The following CCDC91 variants were observed in gnomAD, a reference collection of about 807,000 sequenced individuals.
The protein encoded by CCDC91 is coiled-coil domain-containing protein 91.
In CCDC91, 48 loss-of-function variants were observed where a neutral mutation model predicts 63.2. The observed-to-expected ratio is 0.76, with a 90% CI of 0.60 to 0.97. CCDC91 has a LOEUF of 0.97. CCDC91 is among the 50% of genes least tolerant of loss of function. CCDC91 has a pLI of 0.00. For synonymous variants in CCDC91, 167 were observed against 165.8 expected (o/e 1.01, Z -0.06); for missense variants, 500 against 494.6 (o/e 1.01, Z -0.10).
chr12:28,365,591 G>A (rs1749737259), intron 7 of CCDC91, among the ~76,000 whole-genome samples: 1 of 152,034 alleles, frequency 6.6e-6, no homozygotes, highest in Non-Finnish European at 1.5e-5. Flanking sequence ...CATTCTCTTT[G>A]CATTTATTCA....
chr12:28,231,203 C>T (rs1332628496), intron 1 of CCDC91, among the ~76,000 whole-genome samples: 1 of 152,094 alleles, frequency 6.6e-6, no homozygotes, highest in Non-Finnish European at 1.5e-5. Flanking sequence ...AATCCTGTCT[C>T]TGTGGGTTGG....
At chr12:28,540,199 T>C (rs542201419) in intron 12 of CCDC91, among the ~76,000 whole-genome samples, 1 of 152,286 alleles carries the variant, frequency 6.6e-6, no homozygotes, top group African/African-American at 2.4e-5. Context: ...TAGTAAGTAG[T>C]CTGTTGTTTT....
chr12:28,530,851 G>C (rs1941673205), intron 12 of CCDC91, among the ~76,000 whole-genome samples: 1 of 152,074 alleles, frequency 6.6e-6, no homozygotes, highest in African/African-American at 2.4e-5. Flanking sequence ...GCTGTGGTTT[G>C]AATGTGTCCC....
At chr12:28,302,025 A>G (rs1036348876) in intron 3 of CCDC91, among the ~76,000 whole-genome samples, 2 of 151,858 alleles carry the variant, frequency 1.3e-5, no homozygotes, top group Admixed American at 6.6e-5. Context: ...ATCTACTTCA[A>G]TGAATGCAGT....
intron 6 of CCDC91, among the ~76,000 whole-genome samples, chr12:28,309,456 C>A (rs1395787975): frequency 6.6e-6 from 1 of 152,002 alleles, no homozygotes; most frequent in African/African-American, 2.4e-5. Flanking sequence ...TCCAACACTC[C>A]ATGTTGTTAA....
chr12:28,444,700 G>A lies in CCDC91; in HGVS notation c.763-5461G>A, dbSNP rs140242105. 2.9e-4 allele frequency among the ~76,000 whole-genome samples: 44 copies of A among 152,262 alleles called. No homozygotes were observed. In the East Asian group the frequency reaches 8.3e-3, roughly 29 times the overall value. Reference sequence around the variant, plus strand: ...CTTGAGAGTGGAGGGTAGGAGGAGGGAGAGGAGCAATAAAGATAACTCTCG... The same window carrying A: ...CTTGAGAGTGGAGGGTAGGAGGAGGAAGAGGAGCAATAAAGATAACTCTCG... On this transcript the variant is annotated intron_variant, in intron 8 of 12. Transcript: ENST00000536442.
chr12:28,469,148 A>T (rs7135922), intron 11 of CCDC91, among the ~76,000 whole-genome samples: 113,886 of 151,888 alleles, frequency 0.75, 43,287 homozygotes, highest in African/African-American at 0.83. Context: ...GTCAAATTAT[A>T]ATTATTTTTT....
At chr12:28,502,033 C>T (rs976123618) in intron 12 of CCDC91, among the ~76,000 whole-genome samples, 1 of 151,980 alleles carries the variant, frequency 6.6e-6, no homozygotes, top group Non-Finnish European at 1.5e-5. Flanking sequence ...GTTTGTATTT[C>T]TGTGGGATTG....
At chr12:28,200,979 G>A (rs1302562534) in intron 1 of CCDC91, among the ~76,000 whole-genome samples, 1 of 137,930 alleles carries the variant, frequency 7.3e-6, no homozygotes, top group African/African-American at 3.1e-5. Context: ...CCTCCCGGAC[G>A]GGGCGGCTGG....
At position 28,200,256 on chromosome 12, in the gene CCDC91, G is replaced by A. The variant is rs1477687491; in HGVS notation, c.-15+9615G>A. On this transcript the variant is annotated intron_variant, in intron 1 of 12. Coordinates refer to ENST00000536442, the MANE Select transcript of CCDC91 (RefSeq NM_018318.5). ...CTAGTGAATTTTTTTTTTTTTTTGAGTGGTAGCTTTTCTATGTTTCTTTTT... is the reference window on the plus strand; with the variant it reads ...CTAGTGAATTTTTTTTTTTTTTTGAATGGTAGCTTTTCTATGTTTCTTTTT... Among the ~76,000 whole-genome samples, 6 of 148,380 alleles carry A rather than the reference G, an allele frequency of 4.0e-5. No individual in the cohort carries two copies. The East Asian group carries it at 1.2e-3, about 29-fold the overall frequency.
chr12:28,390,900 A>G (rs1412015577), intron 7 of CCDC91, among the ~76,000 whole-genome samples: 2 of 151,434 alleles, frequency 1.3e-5, no homozygotes, highest in African/African-American at 4.8e-5. Flanking sequence ...CAGCCAGTGA[A>G]ATATGTCTGG....
At chr12:28,204,416 G>A (rs1360592673) in intron 1 of CCDC91, among the ~76,000 whole-genome samples, 2 of 152,042 alleles carry the variant, frequency 1.3e-5, no homozygotes, top group African/African-American at 2.4e-5. Context: ...TTAATTTTCT[G>A]ATTAAAAATA....
At chr12:28,406,605 G>A (rs1946962120) in intron 8 of CCDC91, among the ~76,000 whole-genome samples, 1 of 152,060 alleles carries the variant, frequency 6.6e-6, no homozygotes, top group African/African-American at 2.4e-5. Context: ...GTTTCTAAGA[G>A]CAGAAGTTTT....
intron 1 of CCDC91, among the ~76,000 whole-genome samples, chr12:28,227,123 G>A (rs1592042304): frequency 6.6e-6 from 1 of 152,216 alleles, no homozygotes; most frequent in Middle Eastern, 3.4e-3. Context: ...GACTTATTGT[G>A]ACTTATCATT....
chr12:28,311,677 T>A (rs1439051571), intron 6 of CCDC91, among the ~76,000 whole-genome samples: 1 of 152,100 alleles, frequency 6.6e-6, no homozygotes, highest in African/African-American at 2.4e-5. Context: ...TTACTGTTGA[T>A]TAAAAGTTTC....
intron 6 of CCDC91, among the ~76,000 whole-genome samples, chr12:28,326,682 A>G (rs142485275): frequency 4.7e-4 from 72 of 151,742 alleles, no homozygotes; most frequent in African/African-American, 1.7e-3. Context: ...TTTTAAAGCT[A>G]TTTTCTGAGA....
At chr12:28,252,270 T>C (rs1195429224) in intron 1 of CCDC91, among the ~76,000 whole-genome samples, 1 of 152,092 alleles carries the variant, frequency 6.6e-6, no homozygotes, top group Non-Finnish European at 1.5e-5. Context: ...TTTTTTCTCT[T>C]GGACAGTTGA....
In CCDC91 at chr12:28,549,160, T is replaced by C. The variant is rs765661218; in HGVS notation, c.1313T>C (p.Val438Ala). Reference sequence around the variant, plus strand: ...AGTGCTTTAATAGCTACGGAACCAGTTGACATTGAATAAAAAGAACATGAC... The same window carrying C: ...AGTGCTTTAATAGCTACGGAACCAGCTGACATTGAATAAAAAGAACATGAC... ...QLSALIATEP[V>A]DIE The change falls in exon 13 of 13, where the codon GTT becomes GCT. Residue 438 changes from valine (V) to alanine (A), a missense_variant. Coordinates refer to ENST00000536442, the MANE Select transcript of CCDC91 (RefSeq NM_018318.5). 3.7e-6 allele frequency: 6 copies of C among 1,602,614 alleles called. No individual in the cohort carries two copies. The African/African-American group carries it at 4.0e-5, about 11-fold the overall frequency.
At chr12:28,502,261 A>T (rs1420371881) in intron 12 of CCDC91, among the ~76,000 whole-genome samples, 1 of 151,982 alleles carries the variant, frequency 6.6e-6, no homozygotes, top group African/African-American at 2.4e-5. Context: ...AATGTACAAA[A>T]ATCACAAGCA....
Sources: allele counts gnomAD v4.1 joint callset (sites outside exome capture counted in the v4.1 genomes callset), GRCh38; gene constraint gnomAD v4.1.1; transcripts MANE v1.5; gene names NCBI Gene and HGNC (gene_info 2026-07-23, HGNC 2026-07-21).